B3GALT1: variants seen among roughly 807,000 people sequenced by gnomAD.
B3GALT1 encodes the protein beta-1,3-galactosyltransferase 1.
A neutral mutation model predicts 23.2 loss-of-function variants in B3GALT1; 10 were observed. The observed-to-expected ratio is 0.43, with a 90% CI of 0.27 to 0.73. B3GALT1 has a LOEUF of 0.73. Ranked by LOEUF, B3GALT1 falls within the 30% of genes least tolerant of loss-of-function variation. B3GALT1 has a pLI of 0.21. For synonymous variants in B3GALT1, 156 were observed against 141.5 expected, an observed-to-expected ratio of 1.10 and a Z score of -0.73; for missense variants, 299 against 405.4, an observed-to-expected ratio of 0.74 and a Z score of 2.25.
chr2:167,661,122 A>G (rs1289477356), intron 3 of B3GALT1, among the ~76,000 whole-genome samples: 1 of 152,150 alleles, frequency 6.6e-6, no homozygotes, highest in African/African-American at 2.4e-5. Flanking sequence ...ATTCACCACC[A>G]TCATTCATCC....
intron 4 of B3GALT1, among the ~76,000 whole-genome samples, chr2:167,858,155 A>G (rs895131863): frequency 6.6e-6 from 1 of 152,136 alleles, no homozygotes; most frequent in African/African-American, 2.4e-5. Context: ...GCAAAATTCT[A>G]TGTCACATTA....
At chr2:167,468,635 G>A (rs1699381048) in intron 1 of B3GALT1, among the ~76,000 whole-genome samples, 1 of 152,168 alleles carries the variant, frequency 6.6e-6, no homozygotes, top group East Asian at 1.9e-4. Context: ...ACTTTGGGAG[G>A]CTGAGGAGGG....
intron 1 of B3GALT1, among the ~76,000 whole-genome samples, chr2:167,464,567 C>T (rs976814597): frequency 1.3e-5 from 2 of 152,060 alleles, no homozygotes; most frequent in African/African-American, 2.4e-5. Flanking sequence ...TAAAGTAGAG[C>T]GAGGCAACAC....
chr2:167,846,747 G>A (rs543668093), intron 4 of B3GALT1, among the ~76,000 whole-genome samples: 9 of 152,156 alleles, frequency 5.9e-5, no homozygotes, highest in Admixed American at 2.6e-4. Context: ...TAAATGCAAC[G>A]GTGCCTCACA....
intron 4 of B3GALT1, among the ~76,000 whole-genome samples, chr2:167,831,338 T>C (rs917489877): frequency 2.0e-5 from 3 of 152,204 alleles, no homozygotes; most frequent in African/African-American, 7.2e-5. Flanking sequence ...CTGGAAGCCA[T>C]GGAGAGGATT....
intron 3 of B3GALT1, among the ~76,000 whole-genome samples, chr2:167,679,102 GT>G (rs1165081062): frequency 1.4e-5 from 2 of 144,184 alleles, no homozygotes; most frequent in African/African-American, 2.5e-5. Context: ...TTTTGTTTTT[GT>G]TTTTGTTTTT....
intron 2 of B3GALT1, among the ~76,000 whole-genome samples, chr2:167,506,144 A>T (rs2105350877): frequency 6.6e-6 from 1 of 152,238 alleles, no homozygotes; most frequent in South Asian, 2.1e-4. Flanking sequence ...CCCCAAAGCA[A>T]ATGTAGATTC....
chr2:167,808,754 T>C (rs1044145749), intron 3 of B3GALT1, among the ~76,000 whole-genome samples: 5 of 152,126 alleles, frequency 3.3e-5, no homozygotes, highest in Admixed American at 6.5e-5. Flanking sequence ...ATCTGACAAT[T>C]ATGTGTCTTG....
At chr2:167,508,459 C>T (rs1699956274) in intron 2 of B3GALT1, among the ~76,000 whole-genome samples, 1 of 151,720 alleles carries the variant, frequency 6.6e-6, no homozygotes, top group Non-Finnish European at 1.5e-5. Context: ...GGGGTTTCAC[C>T]GTGTTAGCCA....
intron 3 of B3GALT1, among the ~76,000 whole-genome samples, chr2:167,685,549 C>T (rs1686604684): frequency 6.6e-6 from 1 of 152,058 alleles, no homozygotes; most frequent in Non-Finnish European, 1.5e-5. Context: ...GGAAGAGAAT[C>T]CCAAGCAGAT....
chr2:167,816,640 G>A (rs765254027), intron 3 of B3GALT1, among the ~76,000 whole-genome samples: 8 of 152,008 alleles, frequency 5.3e-5, no homozygotes, highest in Non-Finnish European at 1.0e-4. Flanking sequence ...TTTCAATAAT[G>A]TTTATGTTTT....
chr2:167,380,219 T>C (rs1225779740), intron 1 of B3GALT1, among the ~76,000 whole-genome samples: 3 of 152,086 alleles, frequency 2.0e-5, no homozygotes, highest in African/African-American at 7.2e-5. Flanking sequence ...AGGCTGCTGG[T>C]CCAGGCAAGC....
rs540006941 is a variant in B3GALT1 at position 167,456,205 on chromosome 2, C to T, written c.-510-33972C>T. On this transcript the variant is annotated intron_variant, in intron 1 of 4. Coordinates refer to ENST00000392690, the MANE Select transcript of B3GALT1 (RefSeq NM_020981.4). ...ATCATGGTGGAAGGCAAAGGGGAAG[C>T]AAGCATGTCACATGGCAAGAGGGAG... is the stretch of plus-strand genomic sequence containing the variant. Among the ~76,000 whole-genome samples the T allele has an allele frequency of 2.5e-3, 378 of 152,220 alleles. 2 individuals carry two copies. Among genetic ancestry groups the T allele is most frequent in the Middle Eastern group, 0.02 (6 of 294 alleles).
chr2:167,697,120 G>A (rs891939167), intron 3 of B3GALT1, among the ~76,000 whole-genome samples: 1 of 152,124 alleles, frequency 6.6e-6, no homozygotes, highest in Non-Finnish European at 1.5e-5. Flanking sequence ...AAAAGGCACA[G>A]CATTGCCCTG....
intron 1 of B3GALT1, among the ~76,000 whole-genome samples, chr2:167,318,287 T>G (rs1414185938): frequency 6.6e-6 from 1 of 152,052 alleles, no homozygotes; most frequent in Non-Finnish European, 1.5e-5. Flanking sequence ...ATCACACCAC[T>G]CCAGCCTGGC....
chr2:167,508,965 G>A (rs1699963593), intron 2 of B3GALT1, among the ~76,000 whole-genome samples: 1 of 152,130 alleles, frequency 6.6e-6, no homozygotes, highest in Non-Finnish European at 1.5e-5. Flanking sequence ...TGGGTTAAGG[G>A]AGAAAACAGA....
At chr2:167,342,297 A>T (rs183638731) in intron 1 of B3GALT1, among the ~76,000 whole-genome samples, 89 of 152,324 alleles carry the variant, frequency 5.8e-4, no homozygotes, top group African/African-American at 2.1e-3. Flanking sequence ...TTTATCAAAA[A>T]GCAACTCAGA....
intron 2 of B3GALT1, among the ~76,000 whole-genome samples, chr2:167,501,057 A>G (rs896647539): frequency 6.6e-6 from 1 of 152,132 alleles, no homozygotes; most frequent in Admixed American, 6.5e-5. Flanking sequence ...TAACGAATCA[A>G]TGAGACAACC....
intron 3 of B3GALT1, among the ~76,000 whole-genome samples, chr2:167,806,351 A>C (rs1688752885): frequency 6.6e-6 from 1 of 152,190 alleles, no homozygotes; most frequent in Non-Finnish European, 1.5e-5. Context: ...CCTGACCAGA[A>C]CTTCCAACAC....
Sources: allele counts gnomAD v4.1 joint callset (sites outside exome capture counted in the v4.1 genomes callset), GRCh38; gene constraint gnomAD v4.1.1; transcripts MANE v1.5; gene names NCBI Gene and HGNC (gene_info 2026-07-23, HGNC 2026-07-21).